Variants in COG5 observed in about 807,000 individuals in gnomAD.
COG5 encodes conserved oligomeric Golgi complex subunit 5.
Under a neutral mutation model 110.4 loss-of-function variants are expected in COG5, and 86 were observed. The ratio of observed to expected loss-of-function variants is 0.78; its 90% confidence interval spans 0.65 to 0.93. The LOEUF (loss-of-function observed/expected upper bound fraction) is 0.93, where lower values mean the gene tolerates loss of function less well. COG5 is among the 40% of genes least tolerant of loss of function. The pLI is 0.00. For synonymous variants in COG5, 360 were observed against 334.6 expected (o/e 1.08, Z -0.83); for missense variants, 1,077 against 987.0 (o/e 1.09, Z -1.22).
At chr7:107,431,073 C>G (rs559308989) in intron 6 of COG5, among the ~76,000 whole-genome samples, 2 of 152,246 alleles carry the variant, frequency 1.3e-5, no homozygotes, top group African/African-American at 4.8e-5. Flanking sequence ...CCGAAGGAAC[C>G]AGCTCTGCTG....
chr7:107,500,123 T>C (rs1243529347), intron 6 of COG5, among the ~76,000 whole-genome samples: 3 of 152,164 alleles, frequency 2.0e-5, no homozygotes, highest in East Asian at 1.9e-4. Context: ...CAATCAGTAA[T>C]GTATGCTACA....
At chr7:107,418,935 C>T (rs925891005) in intron 6 of COG5, among the ~76,000 whole-genome samples, 13 of 151,990 alleles carry the variant, frequency 8.6e-5, no homozygotes, top group Non-Finnish European at 1.0e-4. Flanking sequence ...CCACCATGTC[C>T]AGCTAATTTT....
At chr7:107,452,460 C>T (rs1795397901) in intron 6 of COG5, among the ~76,000 whole-genome samples, 1 of 152,094 alleles carries the variant, frequency 6.6e-6, no homozygotes, top group Non-Finnish European at 1.5e-5. Flanking sequence ...TGAAAGGAAC[C>T]CGGTGGGAGG....
Position 107,202,847 on chromosome 7 carries a change from C to T in COG5, c.*669G>A, listed in dbSNP as rs547910604. 3 of 152,182 alleles carry T rather than the reference C, an allele frequency of 2.0e-5. No homozygotes were observed. Among genetic ancestry groups the T allele is most frequent in the African/African-American group, 7.2e-5 (3 of 41,462 alleles). 9.4% of individuals were successfully genotyped at this position (152,182 alleles called of 1,614,324 possible). On this transcript the variant is annotated 3_prime_UTR_variant, in exon 22 of 22. Coordinates refer to ENST00000297135, the MANE Select transcript of COG5 (RefSeq NM_006348.5). ...CTTTTAATAACATGACAAAGTGTAA[C>T]AAAAGCCTTGCTTTATTTAAAGATC...
At position 107,367,667 on chromosome 7, in the gene COG5, A is replaced by T. The variant is rs560536976; in HGVS notation, c.835+4928T>A. Among the ~76,000 whole-genome samples the T allele has an allele frequency of 3.3e-5, 5 of 152,194 alleles. No individual in the cohort carries two copies. The South Asian group carries it at 1.0e-3, about 32-fold the overall frequency. On this transcript the variant is annotated intron_variant, in intron 8 of 21. Coordinates refer to ENST00000297135, the MANE Select transcript of COG5 (RefSeq NM_006348.5). ...GGATGGAACAAGTGGCCATTATTCTAAGTGAAGTAACTGAGGAGCAGAAAC... is the reference window on the plus strand; with the variant it reads ...GGATGGAACAAGTGGCCATTATTCTTAGTGAAGTAACTGAGGAGCAGAAAC...
chr7:107,519,911 C>A (rs1286791053), intron 6 of COG5, among the ~76,000 whole-genome samples: 1 of 152,214 alleles, frequency 6.6e-6, no homozygotes, highest in Non-Finnish European at 1.5e-5. Flanking sequence ...TACTGGCAAA[C>A]CGAATCCAGC....
At chr7:107,506,461 C>T (rs977402518) in intron 6 of COG5, among the ~76,000 whole-genome samples, 4 of 152,138 alleles carry the variant, frequency 2.6e-5, no homozygotes, top group African/African-American at 9.7e-5. Flanking sequence ...CAAGCAGCAG[C>T]CCCTGGGCAG....
chr7:107,336,834 T>C (rs993876775), intron 10 of COG5, among the ~76,000 whole-genome samples: 39 of 152,280 alleles, frequency 2.6e-4, no homozygotes, highest in African/African-American at 9.1e-4. Flanking sequence ...ATGCCACCTG[T>C]GGGCCTGGGG....
At chr7:107,357,168 C>T (rs1434725167) in intron 10 of COG5, among the ~76,000 whole-genome samples, 1 of 152,056 alleles carries the variant, frequency 6.6e-6, no homozygotes, top group African/African-American at 2.4e-5. Context: ...GTAGTTACAT[C>T]CTTAGCAAAA....
At chr7:107,546,777 A>T (rs1199707016) in intron 5 of COG5, among the ~76,000 whole-genome samples, 1 of 152,194 alleles carries the variant, frequency 6.6e-6, no homozygotes. Flanking sequence ...TGGATAACTT[A>T]GAAGAAACTG....
intron 7 of COG5, among the ~76,000 whole-genome samples, chr7:107,383,661 G>T (rs973113146): frequency 6.6e-6 from 1 of 152,138 alleles, no homozygotes; most frequent in Admixed American, 6.5e-5. Context: ...CGTACCCCAG[G>T]TATCTGGTAG....
At chr7:107,414,813 G>A (rs866285828) in intron 6 of COG5, among the ~76,000 whole-genome samples, 4 of 132,850 alleles carry the variant, frequency 3.0e-5, no homozygotes, top group Non-Finnish European at 4.7e-5. Flanking sequence ...TGCAACCTCC[G>A]CCCGCTGGGT....
At chr7:107,221,655 C>G (rs547672742) in intron 19 of COG5, among the ~76,000 whole-genome samples, 20 of 151,704 alleles carry the variant, frequency 1.3e-4, no homozygotes, top group African/African-American at 4.8e-4. Context: ...GTCCCAGCCA[C>G]TCGGGAGGCT....
intron 21 of COG5, chr7:107,208,914 T>C (rs1483559760): frequency 2.0e-6 from 2 of 985,448 alleles, no homozygotes; most frequent in African/African-American, 1.7e-5. Context: ...TGACCCACTA[T>C]GGCAGGGGTT....
At chr7:107,236,289 T>C (rs946573080) in intron 18 of COG5, among the ~76,000 whole-genome samples, 161 bp downstream of exon 18, 9 of 143,290 alleles carry the variant, frequency 6.3e-5, no homozygotes, top group Admixed American at 5.6e-4. Context: ...TAAAAGTATC[T>C]TTAAACTCTC....
intron 11 of COG5, among the ~76,000 whole-genome samples, chr7:107,309,441 T>C (rs902238736): frequency 6.6e-5 from 10 of 152,186 alleles, no homozygotes; most frequent in Non-Finnish European, 1.2e-4. Flanking sequence ...GAACACTGTG[T>C]TCTCTGATAG....
intron 8 of COG5, among the ~76,000 whole-genome samples, chr7:107,368,954 T>C (rs1261821499): frequency 6.6e-6 from 1 of 152,144 alleles, no homozygotes; most frequent in African/African-American, 2.4e-5. Flanking sequence ...ACAGATGTAA[T>C]GGTATCGGGT....
chr7:107,486,061 A>T (rs1213762242), intron 6 of COG5, among the ~76,000 whole-genome samples: 4 of 152,148 alleles, frequency 2.6e-5, no homozygotes, highest in Admixed American at 6.6e-5. Flanking sequence ...AGTATACTCC[A>T]CACTCTATGA....
intron 14 of COG5, among the ~76,000 whole-genome samples, chr7:107,278,571 T>C (rs1804892902): frequency 6.6e-6 from 1 of 152,186 alleles, no homozygotes. Flanking sequence ...GTTTTCAGCT[T>C]CATCCATGTC....
Sources: gnomAD v4.1 joint callset for allele counts (sites outside exome capture counted in the v4.1 genomes callset) on GRCh38, gnomAD v4.1.1 for gene constraint, MANE v1.5 for transcripts, NCBI Gene and HGNC (gene_info 2026-07-23, HGNC 2026-07-21) for gene names.